The following HAGH variants were observed in gnomAD, a reference collection of about 807,000 sequenced individuals.
HAGH encodes hydroxyacylglutathione hydrolase.
In HAGH, 29 loss-of-function variants were observed where a neutral mutation model predicts 35.1. The observed-to-expected ratio is 0.83, with a 90% CI of 0.62 to 1.13. The LOEUF (loss-of-function observed/expected upper bound fraction) is 1.13. HAGH is among the 50% of genes most tolerant of loss of function. HAGH has a pLI of 0.00. For missense variants in HAGH, 478 were observed against 419.6 expected (o/e 1.14, Z -1.22); for synonymous variants, 225 against 176.1 (o/e 1.28, Z -2.20).
chr16:1,816,706 G>T (rs1016581650), intron 7 of HAGH, among the ~76,000 whole-genome samples, 187 bp downstream of exon 7: 2 of 152,228 alleles, frequency 1.3e-5, no homozygotes, highest in Non-Finnish European at 2.9e-5. Flanking sequence ...CAGACCCTCC[G>T]AGGCAGAGGG....
intron 3 of HAGH, 163 bp downstream of exon 3, chr16:1,822,137 T>G: frequency 1.6e-6 from 1 of 616,764 alleles, no homozygotes; most frequent in Non-Finnish European, 3.0e-6. Flanking sequence ...GACTTGCCCC[T>G]TGGGGGCTAC....
At chr16:1,826,346 G>A (rs981944536) in intron 1 of HAGH, among the ~76,000 whole-genome samples, 9 of 150,256 alleles carry the variant, frequency 6.0e-5, no homozygotes, top group African/African-American at 2.2e-4. Context: ...TGCGGGGTGG[G>A]CCAGGCGTCC....
chr16:1,824,966 G>A (rs1032941539), intron 1 of HAGH, among the ~76,000 whole-genome samples: 4 of 152,194 alleles, frequency 2.6e-5, no homozygotes, highest in East Asian at 1.9e-4. Flanking sequence ...ACAGGATTCC[G>A]AGTGCCGGGC....
chr16:1,826,326 G>C (rs919140834), intron 1 of HAGH, among the ~76,000 whole-genome samples: 1 of 150,536 alleles, frequency 6.6e-6, no homozygotes, highest in Admixed American at 6.6e-5. Flanking sequence ...CCTTGCAGCG[G>C]GGCAGCAGGT....
At chr16:1,820,077 G>GGGGGCTGCCTGCTGAGCTGA (rs869144815) in intron 3 of HAGH, 63 bp from the exon 4 acceptor site, 12 of 307,532 alleles carry the variant, frequency 3.9e-5, no homozygotes, top group African/African-American at 2.2e-4. Flanking sequence ...GCTGAGCTGA[G>GGGGGCTGCCTGCTGAGCTGA]GGGGCTGCCT....
chr16:1,822,132 G>C (rs1329952177), intron 3 of HAGH, 168 bp downstream of exon 3: 1 of 610,486 alleles, frequency 1.6e-6, no homozygotes, highest in Non-Finnish European at 3.0e-6. Flanking sequence ...CACCAGACTT[G>C]CCCCTTGGGG....
At chr16:1,809,719 A>C in intron 8 of HAGH, 35 bp downstream of exon 8, 1 of 1,419,030 alleles carries the variant, frequency 7.0e-7, no homozygotes, top group Non-Finnish European at 1.0e-6. Context: ...GCCAGAGGGG[A>C]GGGGCCCGCG....
chr16:1,826,058 T>C (rs1485090229), intron 1 of HAGH, among the ~76,000 whole-genome samples: 2 of 152,188 alleles, frequency 1.3e-5, no homozygotes, highest in South Asian at 4.1e-4. Flanking sequence ...TCAAAATCCA[T>C]GTCCTTTCCT....
At chr16:1,821,262 G>C (rs1898139078) in intron 3 of HAGH, among the ~76,000 whole-genome samples, 1 of 152,202 alleles carries the variant, frequency 6.6e-6, no homozygotes, top group Admixed American at 6.5e-5. Context: ...AGACTCTCCA[G>C]GCCTAAGTCC....
chr16:1,812,904 G>C (rs1006692230), intron 7 of HAGH, among the ~76,000 whole-genome samples: 2 of 152,016 alleles, frequency 1.3e-5, no homozygotes, highest in African/African-American at 4.8e-5. Flanking sequence ...GTGGTGTGCC[G>C]AAAGACACGG....
chr16:1,818,298 T>C (rs921975319), intron 5 of HAGH, among the ~76,000 whole-genome samples: 106 of 152,176 alleles, frequency 7.0e-4, no homozygotes, highest in Non-Finnish European at 1.4e-3. Flanking sequence ...CCCAGGCTCA[T>C]CCCCCAGCCC....
At chr16:1,812,196 A>G (rs1477603457) in intron 7 of HAGH, among the ~76,000 whole-genome samples, 1 of 56,510 alleles carries the variant, frequency 1.8e-5, no homozygotes, top group Non-Finnish European at 3.6e-5. Context: ...TCTCTCCCCA[A>G]CCAAAAAAAA....
chr16:1,814,058 T>C (rs1897778701), intron 7 of HAGH, among the ~76,000 whole-genome samples: 1 of 152,172 alleles, frequency 6.6e-6, no homozygotes, highest in African/African-American at 2.4e-5. Context: ...AAGGGAACAC[T>C]GTAAATTGTT....
At chr16:1,816,199 G>A (rs1183327321) in intron 7 of HAGH, among the ~76,000 whole-genome samples, 4 of 128,500 alleles carry the variant, frequency 3.1e-5, no homozygotes, top group East Asian at 2.4e-4. Flanking sequence ...GGGAGACTCC[G>A]TCTCAAAAAA....
chr16:1,816,836 G>T, intron 7 of HAGH, 57 bp downstream of exon 7: 1 of 1,090,848 alleles, frequency 9.2e-7, no homozygotes, highest in South Asian at 1.2e-5. Context: ...ACCCCGCTGT[G>T]CACAGCGGCC....
upstream of HAGH, chr16:1,827,062 C>CA: frequency 2.1e-6 from 2 of 965,496 alleles, no homozygotes. Flanking sequence ...TTTGGCACCG[C>CA]ACAGTGGATC....
intron 7 of HAGH, among the ~76,000 whole-genome samples, chr16:1,811,307 G>A (rs529707417): frequency 6.6e-6 from 1 of 152,294 alleles, no homozygotes; most frequent in Non-Finnish European, 1.5e-5. Flanking sequence ...CCAGCTACTG[G>A]AGAAGCTGAG....
chr16:1,817,394 C>T lies in HAGH; in HGVS notation c.542-123G>A, dbSNP rs867953392. ...CAGGCCCCGAACCCTGGCTGCCCTC[C>T]GGCCACGGCTGCCCAGACTCAGCCC... is the stretch of plus-strand genomic sequence containing the variant. On this transcript the variant is annotated intron_variant, in intron 5 of 8. Coordinates refer to ENST00000397356, the MANE Select transcript of HAGH (RefSeq NM_005326.6). 62 of 693,358 alleles carry T rather than the reference C, an allele frequency of 8.9e-5. 1 individual carries two copies. In the Middle Eastern group the frequency reaches 5.5e-3, roughly 62 times the overall value. 43.0% of individuals were successfully genotyped at this position (693,358 alleles called of 1,614,324 possible).
rs1479602509 is a variant in HAGH, at chr16:1,812,121, C to T, written c.748-2288G>A. 4.1e-5 allele frequency among the ~76,000 whole-genome samples: 6 copies of T among 145,706 alleles called. No individual in the cohort carries two copies. The East Asian group carries it at 6.2e-4, about 15-fold the overall frequency. On this transcript the variant is annotated intron_variant, in intron 7 of 8. Coordinates refer to ENST00000397356, the MANE Select transcript of HAGH (RefSeq NM_005326.6). ...AGCAGAATCGCCTGAACCCAGGAGG[C>T]GGAGGTTGCAGTGAGCCGAGATTGT... is the stretch of plus-strand genomic sequence containing the variant.
Sources: allele counts gnomAD v4.1 joint callset (sites outside exome capture counted in the v4.1 genomes callset), GRCh38; gene constraint gnomAD v4.1.1; transcripts MANE v1.5; gene names NCBI Gene and HGNC (gene_info 2026-07-23, HGNC 2026-07-21).